The following SFMBT2 variants were observed in gnomAD, a reference collection of about 807,000 sequenced individuals.
SFMBT2 encodes Scm like with four mbt domains 2, also known as scm-like with four MBT domains protein 2.
In SFMBT2, 38 loss-of-function variants were observed where a neutral mutation model predicts 110.1. The ratio of observed to expected loss-of-function variants is 0.35; its 90% CI spans 0.27 to 0.45. The LOEUF is 0.45. Among genes scored for constraint, SFMBT2 ranks in the 20% least tolerant of loss-of-function variants. The pLI, the probability that SFMBT2 is intolerant of heterozygous loss-of-function variation, is 1.00. For missense variants in SFMBT2, 1,011 were observed against 1,094.9 expected (o/e 0.92, Z 1.08); for synonymous variants, 425 against 425.4 (o/e 1.00, Z 0.01).
At position 7,160,946 on chromosome 10, in the gene SFMBT2, T is replaced by A. The variant is rs934174492; in HGVS notation, c.*2824A>T. 4 of 152,232 alleles carry A rather than the reference T, an allele frequency of 2.6e-5. No individual in the cohort carries two copies. Among genetic ancestry groups the A allele is most frequent in the Non-Finnish European group, 4.4e-5 (3 of 68,066 alleles). 9.4% of individuals were successfully genotyped at this position (152,232 alleles called of 1,614,324 possible). A position where few individuals can be genotyped will look rare whatever the true frequency, so the allele number is the denominator to read the frequency against. On this transcript the variant is annotated 3_prime_UTR_variant, in exon 21 of 21. Coordinates refer to ENST00000397167, the MANE Select transcript of SFMBT2 (RefSeq NM_001387889.1). ...GGGCTCTCCTCAAGGACCGGAGAGA[T>A]GGCACAGAGACAACTTTCATGGCGA...
At chr10:7,204,774 G>A in intron 12 of SFMBT2, 1 of 215,966 alleles carries the variant, frequency 4.6e-6, no homozygotes, top group Non-Finnish European at 7.9e-6. Flanking sequence ...TCAGGAGGCT[G>A]AGGCAGGAGA....
chr10:7,263,438 C>T (rs1424096126), intron 7 of SFMBT2, among the ~76,000 whole-genome samples: 2 of 152,088 alleles, frequency 1.3e-5, no homozygotes, highest in African/African-American at 2.4e-5. Flanking sequence ...GACAGGGTTT[C>T]ACCATGTTAG....
At chr10:7,315,042 A>AAGAAAGAAAG (rs1842958221) in intron 4 of SFMBT2, among the ~76,000 whole-genome samples, 5 of 78,430 alleles carry the variant, frequency 6.4e-5, no homozygotes, top group African/African-American at 2.1e-4. Flanking sequence ...AAGAAAGAGA[A>AAGAAAGAAAG]AGAAAGAAAG....
At chr10:7,355,903 T>C (rs187580532) in intron 4 of SFMBT2, among the ~76,000 whole-genome samples, 2 of 152,354 alleles carry the variant, frequency 1.3e-5, no homozygotes, top group East Asian at 3.9e-4. Flanking sequence ...TAGAAACTGC[T>C]CAGAACTATT....
chr10:7,376,713 A>AAG (rs1845221656), intron 2 of SFMBT2, among the ~76,000 whole-genome samples: 1 of 146,438 alleles, frequency 6.8e-6, no homozygotes. Context: ...AAAAAAAAAA[A>AAG]AAAGGCCCTC....
At chr10:7,310,876 T>A (rs1405237643) in intron 4 of SFMBT2, among the ~76,000 whole-genome samples, 2 of 151,908 alleles carry the variant, frequency 1.3e-5, no homozygotes, top group Admixed American at 6.6e-5. Flanking sequence ...TGAAACCCCA[T>A]CTCTACTAAA....
At chr10:7,195,526 T>C (rs1018918680) in intron 15 of SFMBT2, among the ~76,000 whole-genome samples, 2 of 152,214 alleles carry the variant, frequency 1.3e-5, no homozygotes, top group Admixed American at 6.5e-5. Flanking sequence ...TGAAGATGTG[T>C]ATGAAGGCCC....
At chr10:7,167,737 G>A (rs1422959820) in intron 20 of SFMBT2, among the ~76,000 whole-genome samples, 1 of 152,192 alleles carries the variant, frequency 6.6e-6, no homozygotes, top group Non-Finnish European at 1.5e-5. Context: ...AGTGGGCAAT[G>A]GCTTTTTATT....
chr10:7,334,702 C>G (rs1843664067), intron 4 of SFMBT2, among the ~76,000 whole-genome samples: 1 of 152,212 alleles, frequency 6.6e-6, no homozygotes, highest in Non-Finnish European at 1.5e-5. Flanking sequence ...AACGCAGACC[C>G]GGCCCAGTGT....
At chr10:7,343,302 T>C (rs1025358469) in intron 4 of SFMBT2, among the ~76,000 whole-genome samples, 1 of 152,162 alleles carries the variant, frequency 6.6e-6, no homozygotes, top group Non-Finnish European at 1.5e-5. Flanking sequence ...TTGATGGGCA[T>C]TGAGGTTGAT....
intron 4 of SFMBT2, among the ~76,000 whole-genome samples, chr10:7,312,695 T>C (rs1367779546): frequency 6.6e-6 from 1 of 152,260 alleles, no homozygotes; most frequent in Admixed American, 6.5e-5. Context: ...GTTTCGTTTA[T>C]AGCTATTAGT....
At chr10:7,291,763 C>T (rs1564424810) in intron 4 of SFMBT2, among the ~76,000 whole-genome samples, 2 of 152,198 alleles carry the variant, frequency 1.3e-5, no homozygotes. Context: ...TCTCCCCAGA[C>T]AATTCAGTCC....
At chr10:7,261,880 T>G (rs1251862452) in intron 7 of SFMBT2, among the ~76,000 whole-genome samples, 1 of 152,190 alleles carries the variant, frequency 6.6e-6, no homozygotes, top group Non-Finnish European at 1.5e-5. Context: ...AGATTCAAAG[T>G]AGGGTGGCTG....
chr10:7,346,631 C>T (rs749375271), intron 4 of SFMBT2, among the ~76,000 whole-genome samples: 7 of 152,194 alleles, frequency 4.6e-5, no homozygotes, highest in Non-Finnish European at 1.0e-4. Flanking sequence ...AACACTCTTA[C>T]ATTTTCCCTT....
At chr10:7,316,582 T>C (rs1843018920) in intron 4 of SFMBT2, among the ~76,000 whole-genome samples, 2 of 152,234 alleles carry the variant, frequency 1.3e-5, no homozygotes, top group African/African-American at 4.8e-5. Context: ...CCCATGCAAC[T>C]GAGTTTAAAA....
rs17424022 is a variant in SFMBT2 at position 7,208,881 on chromosome 10, T to G, written c.1331-2953A>C. ...CATACTTTAGAATCCTTTGATCATC[T>G]TTCCCATTCAATTAAACAAGTATTT... On this transcript the variant is annotated intron_variant, in intron 11 of 20. Coordinates refer to ENST00000397167, the MANE Select transcript of SFMBT2 (RefSeq NM_001387889.1). 3.8e-3 allele frequency among the ~76,000 whole-genome samples: 585 copies of G among 152,314 alleles called. 3 individuals carry two copies. The highest frequency in any genetic ancestry group is 4.4e-3 in the Admixed American group (68 of 15,300).
At position 7,197,579 on chromosome 10, in the gene SFMBT2, C is replaced by T; in HGVS notation, c.1667G>A (p.Gly556Glu). 1 of 1,614,178 alleles carries T rather than the reference C, an allele frequency of 6.2e-7. No homozygotes were observed. The highest frequency in any genetic ancestry group is 1.1e-5 in the South Asian group (1 of 91,078). Residue 556 changes from glycine to glutamate, a missense_variant, in exon 15 of 21, where the codon GGA becomes GAA. Coordinates refer to ENST00000397167, the MANE Select transcript of SFMBT2 (RefSeq NM_001387889.1). The part of the protein sequence containing the change: ...GRIAELPQSV[G>E]PGKCVLVLKE... Reference sequence around the variant, plus strand: ...AAGAACCAGCACGCATTTGCCCGGTCCCACCGACTGAGGTAGCTCTGCAAT... The same window carrying T: ...AAGAACCAGCACGCATTTGCCCGGTTCCACCGACTGAGGTAGCTCTGCAAT...
At chr10:7,313,381 G>A (rs72775533) in intron 4 of SFMBT2, among the ~76,000 whole-genome samples, 11,085 of 152,194 alleles carry the variant, frequency 0.073, 535 homozygotes, top group Non-Finnish European at 0.11. Flanking sequence ...AAGATGGCAC[G>A]ATTGCAGCTC....
At chr10:7,267,931 T>A (rs2131798180) in intron 7 of SFMBT2, among the ~76,000 whole-genome samples, 1 of 152,364 alleles carries the variant, frequency 6.6e-6, no homozygotes, top group African/African-American at 2.4e-5. Context: ...TGTATTCCTC[T>A]AAGGAAACAA....
Sources: allele counts gnomAD v4.1 joint callset (sites outside exome capture counted in the v4.1 genomes callset), GRCh38; gene constraint gnomAD v4.1.1; transcripts MANE v1.5; gene names NCBI Gene and HGNC (gene_info 2026-07-23, HGNC 2026-07-21).